KCNN3: variants seen among roughly 807,000 people sequenced by gnomAD.
The protein encoded by KCNN3 is potassium calcium-activated channel subfamily N member 3.
Under a neutral mutation model 62.9 loss-of-function variants are expected in KCNN3, and 16 were observed. The ratio of observed to expected loss-of-function variants is 0.25; its 90% CI spans 0.17 to 0.39. The LOEUF is 0.39. Ranked by LOEUF, KCNN3 falls within the 10% of genes least tolerant of loss-of-function variation. The pLI, the probability that KCNN3 is intolerant of heterozygous loss-of-function variation, is 1.00. For synonymous variants in KCNN3, 370 were observed against 389.2 expected (o/e 0.95, Z 0.58); for missense variants, 599 against 949.4 (o/e 0.63, Z 4.85).
chr1:154,827,541 G>A (rs1290431043), intron 1 of KCNN3, among the ~76,000 whole-genome samples: 2 of 152,200 alleles, frequency 1.3e-5, no homozygotes, highest in Non-Finnish European at 2.9e-5. Flanking sequence ...GCTCACGCCT[G>A]TAAGTCCAAC....
chr1:154,869,199 G>A lies in KCNN3; in HGVS notation c.766C>T (p.Pro256Ser). ...TGGTTTTTCCGCTTGTTGGCTTTGG[G>A]GAAGGTGGTGCTGCTGGCGGTGGTG... ...AGTTASSTTF[P>S]KANKRKNQNI... The change falls in exon 1 of 8, where the codon CCC (proline) becomes TCC (serine). Residue 256 changes from proline (P) to serine (S), a missense_variant. By Grantham distance (74) the Pro-to-Ser change is moderately conservative. Transcript: ENST00000271915. The surrounding 1 kb of genome is among the most constrained non-coding windows in gnomAD (Gnocchi z 6.1). 1 of 1,614,166 alleles carries A rather than the reference G, an allele frequency of 6.2e-7. No individual in the cohort carries two copies. The highest frequency in any genetic ancestry group is 8.5e-7 in the Non-Finnish European group (1 of 1,180,030).
chr1:154,767,571 C>T (rs921693185), intron 3 of KCNN3, among the ~76,000 whole-genome samples: 17 of 152,248 alleles, frequency 1.1e-4, no homozygotes, highest in Non-Finnish European at 1.3e-4. Context: ...AAGGCTGGCT[C>T]TCCAACCTGC....
chr1:154,714,854 T>C, intron 6 of KCNN3, 22 bp downstream of exon 6: 2 of 1,613,038 alleles, frequency 1.2e-6, no homozygotes, highest in Non-Finnish European at 1.7e-6. Context: ...ATCTGATGGC[T>C]GAACCGCTCT....
At chr1:154,868,001 G>T (rs1653019570) in intron 1 of KCNN3, 1 of 985,378 alleles carries the variant, frequency 1.0e-6, no homozygotes, top group African/African-American at 1.7e-5. Flanking sequence ...CCGTCTTGGG[G>T]CTGGACTGAG....
intron 2 of KCNN3, among the ~76,000 whole-genome samples, chr1:154,797,444 C>A (rs974167992): frequency 1.3e-5 from 2 of 152,198 alleles, no homozygotes; most frequent in African/African-American, 4.8e-5. Context: ...AGAAATAAAT[C>A]TCACAATACC....
At chr1:154,750,655 A>C (rs1169839573) in intron 3 of KCNN3, among the ~76,000 whole-genome samples, 1 of 151,930 alleles carries the variant, frequency 6.6e-6, no homozygotes, top group East Asian at 1.9e-4. Context: ...TTCCCACACT[A>C]GATGGAGAGC....
chr1:154,856,039 G>C (rs964868481), intron 1 of KCNN3, among the ~76,000 whole-genome samples: 1 of 152,186 alleles, frequency 6.6e-6, no homozygotes, highest in Admixed American at 6.5e-5. Flanking sequence ...GAGCCCAACA[G>C]CCTCAGGTAC....
intron 2 of KCNN3, among the ~76,000 whole-genome samples, chr1:154,808,572 A>T (rs565753967): frequency 6.6e-6 from 1 of 152,098 alleles, no homozygotes; most frequent in Non-Finnish European, 1.5e-5. Context: ...TAGGGCAGGG[A>T]CCTTGCTGTC....
chr1:154,729,431 C>A (rs1303620588), intron 4 of KCNN3, among the ~76,000 whole-genome samples: 1 of 151,976 alleles, frequency 6.6e-6, no homozygotes, highest in African/African-American at 2.4e-5. Context: ...GTGGCTGGGA[C>A]GGGGTGAACA....
At chr1:154,819,121 G>A (rs1650786969) in intron 2 of KCNN3, among the ~76,000 whole-genome samples, 1 of 152,344 alleles carries the variant, frequency 6.6e-6, no homozygotes. Flanking sequence ...GCCTTTGCCT[G>A]TGGAAGGGTG....
At position 154,792,060 on chromosome 1, in the gene KCNN3, C is replaced by A. The variant is rs142906643; in HGVS notation, c.1030-19667G>T. Among the ~76,000 whole-genome samples the A allele has an allele frequency of 4.0e-3, 608 of 152,272 alleles. 5 individuals carry two copies. Among genetic ancestry groups the A allele is most frequent in the African/African-American group, 0.013 (551 of 41,546 alleles). On this transcript the variant is annotated intron_variant, in intron 2 of 7. Coordinates refer to ENST00000271915, the MANE Select transcript of KCNN3 (RefSeq NM_002249.6). Reference sequence around the variant, plus strand: ...GTTTTATGACCAATGAGGGGCAAAGCCATAGAAAGTTCAGAACTGAGAGTG... The same window carrying A: ...GTTTTATGACCAATGAGGGGCAAAGACATAGAAAGTTCAGAACTGAGAGTG...
intron 1 of KCNN3, among the ~76,000 whole-genome samples, chr1:154,861,985 G>A (rs1489058093): frequency 6.6e-6 from 1 of 152,204 alleles, no homozygotes; most frequent in African/African-American, 2.4e-5. Flanking sequence ...GGCACTCACT[G>A]CCCATGACAG....
intron 2 of KCNN3, among the ~76,000 whole-genome samples, chr1:154,782,015 G>A (rs1481903669): frequency 6.6e-6 from 1 of 152,176 alleles, no homozygotes; most frequent in Non-Finnish European, 1.5e-5. Flanking sequence ...GCCTTGCAAA[G>A]GTATGCATTA....
chr1:154,838,924 T>A (rs1301461637), intron 1 of KCNN3, among the ~76,000 whole-genome samples: 1 of 152,198 alleles, frequency 6.6e-6, no homozygotes, highest in East Asian at 1.9e-4. Flanking sequence ...TGGGCAGCTT[T>A]GACAGTACCT....
intron 4 of KCNN3, among the ~76,000 whole-genome samples, chr1:154,728,193 C>G (rs1700510575): frequency 6.6e-6 from 1 of 152,150 alleles, no homozygotes; most frequent in Non-Finnish European, 1.5e-5. Flanking sequence ...GCAGGGGGGG[C>G]TTTTAATGAG....
chr1:154,846,507 T>C (rs1652065264), intron 1 of KCNN3, among the ~76,000 whole-genome samples: 1 of 152,208 alleles, frequency 6.6e-6, no homozygotes, highest in South Asian at 2.1e-4. Context: ...GAAGTGCCGG[T>C]ACACAGCAAT....
intron 1 of KCNN3, among the ~76,000 whole-genome samples, chr1:154,823,663 A>G (rs1650994074): frequency 6.6e-6 from 1 of 152,214 alleles, no homozygotes; most frequent in Admixed American, 6.5e-5. Flanking sequence ...CCTAAATGAC[A>G]TCTTAAGACA....
chr1:154,850,774 A>G (rs1360555028), intron 1 of KCNN3, among the ~76,000 whole-genome samples: 1 of 152,158 alleles, frequency 6.6e-6, no homozygotes, highest in Non-Finnish European at 1.5e-5. Context: ...CATTTCAGTA[A>G]GTTTCCATAA....
chr1:154,699,471 T>G lies in KCNN3; in HGVS notation c.*8505A>C, dbSNP rs1317733340. On this transcript the variant is annotated 3_prime_UTR_variant, in exon 8 of 8. Transcript: ENST00000271915. ...CATACACGTCACACACACACATACA[T>G]ATTTATACTGACCTCTTTAGATTGA... The G allele has an allele frequency of 6.6e-6, 1 of 152,212 alleles. No homozygotes were observed. Among genetic ancestry groups the G allele is most frequent in the African/African-American group, 2.4e-5 (1 of 41,446 alleles). 9.4% of individuals were successfully genotyped at this position (152,212 alleles called of 1,614,324 possible).
Sources: gnomAD v4.1 joint callset for allele counts (sites outside exome capture counted in the v4.1 genomes callset) on GRCh38, gnomAD v4.1.1 for gene constraint, Gnocchi (gnomAD v3.1) non-coding constraint, MANE v1.5 for transcripts, NCBI Gene and HGNC (gene_info 2026-07-23, HGNC 2026-07-21) for gene names.